The following DIP2C variants were observed in gnomAD, a reference collection of about 807,000 sequenced individuals.
The protein encoded by DIP2C is DIP2 acetate--CoA ligase C (putative).
DIP2C carries 33 observed loss-of-function variants against 192.4 expected under a neutral mutation model. That is an observed-to-expected ratio of 0.17 (90% CI 0.13 to 0.23). The LOEUF (loss-of-function observed/expected upper bound fraction) is 0.23. DIP2C is among the 10% of genes least tolerant of loss of function. The pLI, the probability that DIP2C is intolerant of heterozygous loss-of-function variation, is 1.00. For synonymous variants in DIP2C, 979 were observed against 864.1 expected, an observed-to-expected ratio of 1.13 and a Z score of -2.33; for missense variants, 1,537 against 2,110.1, an observed-to-expected ratio of 0.73 and a Z score of 5.32.
chr10:577,253 G>A (rs910647248), intron 1 of DIP2C, among the ~76,000 whole-genome samples: 12 of 152,170 alleles, frequency 7.9e-5, no homozygotes, highest in Admixed American at 3.3e-4. Flanking sequence ...TTAAGTCACT[G>A]GATTTAGAGA....
At chr10:486,560 T>C (rs376751945) in intron 1 of DIP2C, 30 bp from the exon 2 acceptor site, 6 of 1,580,976 alleles carry the variant, frequency 3.8e-6, no homozygotes, top group African/African-American at 1.4e-5. Flanking sequence ...AAGTTCAGTA[T>C]GGTCTCCGTG....
At chr10:610,582 A>C (rs1853026184) in intron 1 of DIP2C, among the ~76,000 whole-genome samples, 1 of 152,146 alleles carries the variant, frequency 6.6e-6, no homozygotes, top group African/African-American at 2.4e-5. Context: ...TATCAACAAA[A>C]ACAAAAATAA....
intron 3 of DIP2C, among the ~76,000 whole-genome samples, chr10:444,868 T>A (rs1003939787): frequency 7.2e-5 from 11 of 152,284 alleles, no homozygotes; most frequent in Admixed American, 2.0e-4. Flanking sequence ...TTTTTGGCTA[T>A]GAGAATTTAC....
chr10:419,431 T>C (rs1274371449), intron 5 of DIP2C, among the ~76,000 whole-genome samples: 2 of 152,308 alleles, frequency 1.3e-5, no homozygotes, highest in Middle Eastern at 3.4e-3. Context: ...TCAGACGTAA[T>C]TTCCTAACGG....
intron 1 of DIP2C, among the ~76,000 whole-genome samples, chr10:592,973 AAC>A (rs1297410125): frequency 2.0e-5 from 3 of 152,212 alleles, no homozygotes; most frequent in Admixed American, 2.0e-4. Context: ...TCAAACAGGT[AAC>A]AGTTTGGTTC....
Position 509,374 on chromosome 10 carries a change from G to A in DIP2C, c.86-22844C>T, listed in dbSNP as rs139939004. Among the ~76,000 whole-genome samples the A allele has an allele frequency of 7.9e-5, 12 of 152,272 alleles. No homozygotes were observed. The East Asian group carries it at 2.3e-3, about 29-fold the overall frequency. On this transcript the variant is annotated intron_variant, in intron 1 of 36. Coordinates refer to ENST00000280886, the MANE Select transcript of DIP2C (RefSeq NM_014974.3). ...TGTCCAAGACCAGCAACAAGTATGT[G>A]AGCAGCTGGGATTCAACCAGGTCCT...
At chr10:506,057 G>C (rs577888311) in intron 1 of DIP2C, among the ~76,000 whole-genome samples, 52 of 152,336 alleles carry the variant, frequency 3.4e-4, no homozygotes, top group African/African-American at 1.2e-3. Flanking sequence ...GGCAGCACAA[G>C]GGAGTGCTGG....
intron 28 of DIP2C, among the ~76,000 whole-genome samples, chr10:342,161 CTCTT>C (rs776427857): frequency 2.9e-4 from 44 of 151,750 alleles, no homozygotes; most frequent in South Asian, 6.3e-4. Context: ...CCCACTCTCT[CTCTT>C]TTTTTTTTTT....
intron 1 of DIP2C, among the ~76,000 whole-genome samples, chr10:680,289 C>G (rs899246902): frequency 6.6e-6 from 1 of 152,142 alleles, no homozygotes; most frequent in Non-Finnish European, 1.5e-5. Flanking sequence ...GCTAAAAATC[C>G]AACCCGCTCA....
chr10:467,588 G>C (rs1352855110), intron 3 of DIP2C, among the ~76,000 whole-genome samples: 1 of 134,872 alleles, frequency 7.4e-6, no homozygotes, highest in East Asian at 2.3e-4. Flanking sequence ...AAAAGAAAAT[G>C]TGGCATATAT....
chr10:369,915 T>G, intron 17 of DIP2C: 6 of 1,326,786 alleles, frequency 4.5e-6, no homozygotes, highest in Non-Finnish European at 5.8e-6. Flanking sequence ...ATGCAGGCCC[T>G]GCACAGACCA....
intron 30 of DIP2C, 98 bp from the exon 31 acceptor site, chr10:327,274 A>G: frequency 7.2e-7 from 1 of 1,387,374 alleles, no homozygotes; most frequent in East Asian, 2.5e-5. Flanking sequence ...AACATTGGAA[A>G]ACTCAACACA....
chr10:575,109 G>C (rs144906539), intron 1 of DIP2C, among the ~76,000 whole-genome samples: 1 of 152,270 alleles, frequency 6.6e-6, no homozygotes, highest in East Asian at 1.9e-4. Flanking sequence ...GCTCACTACA[G>C]CTAATATCAC....
At chr10:280,121 T>C (rs766600205) in intron 36 of DIP2C, among the ~76,000 whole-genome samples, 7 of 152,076 alleles carry the variant, frequency 4.6e-5, no homozygotes, top group African/African-American at 4.8e-5. Context: ...CTGAGGACTT[T>C]TGAGAGTAGG....
intron 2 of DIP2C, among the ~76,000 whole-genome samples, chr10:476,476 G>A (rs569598389): frequency 1.1e-4 from 17 of 152,256 alleles, no homozygotes; most frequent in African/African-American, 2.2e-4. Flanking sequence ...CATTTGATGC[G>A]TCACTCATTC....
At chr10:475,707 A>C (rs1971004061) in intron 2 of DIP2C, among the ~76,000 whole-genome samples, 1 of 152,244 alleles carries the variant, frequency 6.6e-6, no homozygotes. Flanking sequence ...CGGCAAAAGA[A>C]ACGAGTATGA....
intron 9 of DIP2C, among the ~76,000 whole-genome samples, chr10:399,626 T>C (rs1230532607): frequency 1.3e-5 from 2 of 152,230 alleles, no homozygotes; most frequent in East Asian, 3.8e-4. Flanking sequence ...TGTTTGGCTC[T>C]GGGATCTCAG....
intron 1 of DIP2C, among the ~76,000 whole-genome samples, chr10:494,351 A>G (rs1844662116): frequency 6.6e-6 from 1 of 152,142 alleles, no homozygotes; most frequent in Admixed American, 6.5e-5. Flanking sequence ...AGAGGCGCGC[A>G]GTGACCTCAG....
At chr10:392,561 G>A (rs1360367154) in intron 10 of DIP2C, among the ~76,000 whole-genome samples, 2 of 152,194 alleles carry the variant, frequency 1.3e-5, no homozygotes, top group African/African-American at 4.8e-5. Flanking sequence ...CACGTGTAGA[G>A]TGCCCCCCGC....
Sources: gnomAD v4.1 joint callset for allele counts (sites outside exome capture counted in the v4.1 genomes callset) on GRCh38, gnomAD v4.1.1 for gene constraint, MANE v1.5 for transcripts, NCBI Gene and HGNC (gene_info 2026-07-23, HGNC 2026-07-21) for gene names.